Variants in AP3B1 observed in about 807,000 individuals in gnomAD.
AP3B1 encodes the protein AP-3 complex subunit beta-1.
Under a neutral mutation model 132.5 loss-of-function variants are expected in AP3B1, and 61 were observed. That is an observed-to-expected ratio of 0.46 (90% confidence interval 0.37 to 0.57). The LOEUF is 0.57. AP3B1 is among the 20% of genes least tolerant of loss of function. The pLI is 0.00. For missense variants in AP3B1, 1,120 were observed against 1,289.4 expected (o/e 0.87, Z 2.01); for synonymous variants, 388 against 438.3 (o/e 0.89, Z 1.43).
At chr5:78,098,251 T>C (rs1415370603) in intron 21 of AP3B1, among the ~76,000 whole-genome samples, 1 of 150,044 alleles carries the variant, frequency 6.7e-6, no homozygotes, top group Non-Finnish European at 1.5e-5. Context: ...AATCCCCCTC[T>C]GTGAGAAACA....
chr5:78,210,894 ATG>A, intron 7 of AP3B1, among the ~76,000 whole-genome samples: 1 of 152,138 alleles, frequency 6.6e-6, no homozygotes, highest in Non-Finnish European at 1.5e-5. Context: ...ATCTAGGTTT[ATG>A]CTTCAAGAAA....
At chr5:78,165,750 T>C (rs1743590330) in intron 11 of AP3B1, 78 bp from the exon 12 acceptor site, 1 of 1,002,668 alleles carries the variant, frequency 1.0e-6, no homozygotes, top group Non-Finnish European at 1.6e-6. Flanking sequence ...AGACATTTAA[T>C]TGAAAGTTTA....
In AP3B1 at chr5:78,021,910, G is replaced by A. The variant is rs147087731; in HGVS notation, c.2895-1121C>T. Among the ~76,000 whole-genome samples the A allele has an allele frequency of 1.9e-4, 29 of 152,222 alleles. No homozygotes were observed. In the East Asian group the frequency reaches 4.1e-3, roughly 21 times the overall value. ...AAGCTTTCAGGAAGTCCCATAGAGG[G>A]ACTTCTACCTTCATGTTAGAACTGG... On this transcript the variant is annotated intron_variant, in intron 24 of 26. Coordinates refer to ENST00000255194, the MANE Select transcript of AP3B1 (RefSeq NM_003664.5).
intron 17 of AP3B1, chr5:78,121,771 G>A (rs1752212319): frequency 6.6e-6 from 1 of 152,224 alleles, no homozygotes; most frequent in Admixed American, 6.5e-5. Flanking sequence ...GAGGTACAAG[G>A]AGGAGCTGGT....
chr5:78,015,338 A>G, intron 26 of AP3B1, 72 bp downstream of exon 26: 1 of 1,470,072 alleles, frequency 6.8e-7, no homozygotes, highest in South Asian at 1.2e-5. Flanking sequence ...AAAGAAAACA[A>G]TGAATTTAAA....
intron 7 of AP3B1, among the ~76,000 whole-genome samples, chr5:78,191,553 G>A (rs1381513269): frequency 1.3e-5 from 2 of 151,984 alleles, no homozygotes; most frequent in Non-Finnish European, 2.9e-5. Flanking sequence ...GGGGAGTAAC[G>A]ATGGTCAGAT....
chr5:78,015,684 A>G lies in AP3B1; in HGVS notation c.2993-136T>C, dbSNP rs1463266612. ...TACTTTAGGATGTAATTTACAAGAT[A>G]ATTATAAAACTAAAACAAAATGCAA... On this transcript the variant is annotated intron_variant, in intron 25 of 26. Coordinates refer to ENST00000255194, the MANE Select transcript of AP3B1 (RefSeq NM_003664.5). 7 of 838,678 alleles carry G rather than the reference A, an allele frequency of 8.3e-6. No homozygotes were observed. The African/African-American group carries it at 1.2e-4, about 14-fold the overall frequency. The allele number at this position is 838,678 out of a possible 1,614,324, so 52.0% of individuals were successfully genotyped here.
intron 24 of AP3B1, among the ~76,000 whole-genome samples, chr5:78,022,729 T>C (rs1747157469): frequency 6.6e-6 from 1 of 152,192 alleles, no homozygotes; most frequent in Admixed American, 6.5e-5. Flanking sequence ...AGTGGCAGTA[T>C]GTAAGGTGGA....
chr5:78,088,024 A>G (rs1468565341), intron 22 of AP3B1, among the ~76,000 whole-genome samples: 1 of 152,216 alleles, frequency 6.6e-6, no homozygotes, highest in African/African-American at 2.4e-5. Flanking sequence ...TAAGTGGCAA[A>G]GCAGGGGTTT....
At chr5:78,063,584 C>T (rs1749153003) in intron 22 of AP3B1, among the ~76,000 whole-genome samples, 1 of 152,178 alleles carries the variant, frequency 6.6e-6, no homozygotes, top group Non-Finnish European at 1.5e-5. Flanking sequence ...TCCTATGACA[C>T]ATGGTAAATA....
At chr5:78,080,944 C>A (rs1351330128) in intron 22 of AP3B1, among the ~76,000 whole-genome samples, 3 of 152,126 alleles carry the variant, frequency 2.0e-5, no homozygotes, top group African/African-American at 7.2e-5. Context: ...GTGAGCAGAC[C>A]TGATGAAGTA....
intron 20 of AP3B1, among the ~76,000 whole-genome samples, chr5:78,109,237 A>T (rs1751472703): frequency 6.6e-6 from 1 of 152,162 alleles, no homozygotes; most frequent in Admixed American, 6.5e-5. Context: ...TAATATATGC[A>T]AGAAAATGTG....
intron 9 of AP3B1, 37 bp from the exon 10 acceptor site, chr5:78,175,875 T>G: frequency 1.3e-6 from 2 of 1,484,810 alleles, no homozygotes; most frequent in Non-Finnish European, 1.9e-6. Context: ...GGGTATATGT[T>G]CCAATGAAAC....
At chr5:78,160,041 G>A (rs1743324260) in intron 13 of AP3B1, among the ~76,000 whole-genome samples, 1 of 152,154 alleles carries the variant, frequency 6.6e-6, no homozygotes, top group African/African-American at 2.4e-5. Context: ...CTACATAGGT[G>A]GTATAGTCCT....
At chr5:78,121,538 A>T (rs567251289) in intron 17 of AP3B1, among the ~76,000 whole-genome samples, 1 of 152,242 alleles carries the variant, frequency 6.6e-6, no homozygotes, top group Non-Finnish European at 1.5e-5. Flanking sequence ...ACAGAAATAC[A>T]AACTACCATC....
intron 22 of AP3B1, among the ~76,000 whole-genome samples, chr5:78,039,635 A>G (rs368507649): frequency 1.4e-3 from 217 of 152,148 alleles, no homozygotes; most frequent in East Asian, 7.2e-3. Context: ...AAAATTAGCC[A>G]GGCATGGTGG....
chr5:78,088,132 T>C (rs1045673118), intron 22 of AP3B1, among the ~76,000 whole-genome samples: 2 of 152,234 alleles, frequency 1.3e-5, no homozygotes, highest in African/African-American at 4.8e-5. Context: ...TTCAAGGAAC[T>C]AACTGCTTCA....
At chr5:78,011,457 G>A (rs1746624287) in intron 26 of AP3B1, among the ~76,000 whole-genome samples, 2 of 152,172 alleles carry the variant, frequency 1.3e-5, no homozygotes, top group Non-Finnish European at 2.9e-5. Context: ...GTTTGGCTCT[G>A]ATCCTATCAC....
chr5:78,250,871 G>A (rs776886661), intron 2 of AP3B1, among the ~76,000 whole-genome samples: 18 of 151,850 alleles, frequency 1.2e-4, no homozygotes, highest in Non-Finnish European at 1.9e-4. Flanking sequence ...AAAGGATAAT[G>A]TCAAAAATTC....
Sources: gnomAD v4.1 joint callset for allele counts (sites outside exome capture counted in the v4.1 genomes callset) on GRCh38, gnomAD v4.1.1 for gene constraint, MANE v1.5 for transcripts, NCBI Gene and HGNC (gene_info 2026-07-23, HGNC 2026-07-21) for gene names.